The following PHIP variants were observed in gnomAD, a reference collection of about 807,000 sequenced individuals.
The protein encoded by PHIP is PH-interacting protein.
Under a neutral mutation model 236.8 loss-of-function variants are expected in PHIP, and 54 were observed. The observed-to-expected ratio is 0.23, with a 90% CI of 0.18 to 0.29. PHIP has a LOEUF of 0.29. Ranked by LOEUF, PHIP falls within the 10% of genes least tolerant of loss-of-function variation. The probability of loss-of-function intolerance (pLI) is 1.00; values close to 1 mark genes in which losing one functional copy is unlikely to be tolerated. For synonymous variants in PHIP, 756 were observed against 718.9 expected (o/e 1.05, Z -0.83); for missense variants, 1,370 against 2,190.8 (o/e 0.63, Z 7.48).
intron 4 of PHIP, among the ~76,000 whole-genome samples, chr6:79,070,050 T>G (rs10455120): frequency 0.23 from 35,500 of 151,920 alleles, 5,086 homozygotes; most frequent in Non-Finnish European, 0.33. Context: ...AATTACATCT[T>G]GCTAAAAAAA....
At chr6:78,946,934 A>T in intron 36 of PHIP, 60 bp from the exon 37 acceptor site, 2 of 939,944 alleles carry the variant, frequency 2.1e-6, no homozygotes, top group Non-Finnish European at 3.2e-6. Flanking sequence ...TTTGTTCAGT[A>T]AATACTGTAA....
chr6:78,987,272 GATAA>G (rs966939883), intron 21 of PHIP, among the ~76,000 whole-genome samples: 53 of 152,100 alleles, frequency 3.5e-4, no homozygotes, highest in African/African-American at 1.2e-3. Context: ...CATTTTATAA[GATAA>G]ATAATTAGCC....
chr6:79,009,863 GAT>G (rs377243060), intron 15 of PHIP, among the ~76,000 whole-genome samples: 3 of 149,828 alleles, frequency 2.0e-5, no homozygotes, highest in African/African-American at 4.9e-5. Flanking sequence ...TTTGTACCAA[GAT>G]ATATATATAT....
At chr6:79,058,264 A>G (rs528727777) in intron 6 of PHIP, among the ~76,000 whole-genome samples, 2 of 152,170 alleles carry the variant, frequency 1.3e-5, no homozygotes, top group Admixed American at 1.3e-4. Context: ...TATTTTTGCC[A>G]TACGTATATA....
chr6:79,074,707 C>T (rs890373934), intron 4 of PHIP, among the ~76,000 whole-genome samples: 9 of 152,020 alleles, frequency 5.9e-5, no homozygotes, highest in Non-Finnish European at 1.0e-4. Context: ...AAGATACGAC[C>T]ATTTCCTTTC....
intron 30 of PHIP, 39 bp from the exon 31 acceptor site, chr6:78,961,849 T>G: frequency 6.7e-7 from 1 of 1,486,400 alleles, no homozygotes; most frequent in Non-Finnish European, 9.2e-7. Context: ...TATTTTTGTA[T>G]GCCTAAAATA....
intron 15 of PHIP, among the ~76,000 whole-genome samples, chr6:79,010,565 CTT>C (rs1480044850): frequency 2.0e-5 from 3 of 151,804 alleles, no homozygotes; most frequent in Non-Finnish European, 2.9e-5. Context: ...ATACTATACT[CTT>C]TGATTAAAAT....
chr6:79,036,941 A>G (rs1006595996), intron 7 of PHIP, among the ~76,000 whole-genome samples: 5 of 151,072 alleles, frequency 3.3e-5, no homozygotes, highest in Non-Finnish European at 7.4e-5. Context: ...AAAAAAAAAA[A>G]AAAAAGCAAG....
At chr6:79,029,120 C>T (rs1161915630) in intron 7 of PHIP, among the ~76,000 whole-genome samples, 1 of 152,152 alleles carries the variant, frequency 6.6e-6, no homozygotes, top group Non-Finnish European at 1.5e-5. Flanking sequence ...CCTCTGAGTG[C>T]ATATTATCTC....
At chr6:78,961,081 G>T (rs2127697446) in intron 31 of PHIP, among the ~76,000 whole-genome samples, 1 of 151,952 alleles carries the variant, frequency 6.6e-6, no homozygotes, top group South Asian at 2.1e-4. Flanking sequence ...AACATTTTAG[G>T]TAATAATAAA....
intron 7 of PHIP, among the ~76,000 whole-genome samples, chr6:79,030,044 T>C (rs1771593851): frequency 6.6e-6 from 1 of 152,100 alleles, no homozygotes; most frequent in African/African-American, 2.4e-5. Context: ...TTAAAAATAA[T>C]GTTACGTAAA....
At position 78,970,840 on chromosome 6, in the gene PHIP, T is replaced by G; in HGVS notation, c.2938A>C (p.Lys980Gln). ...GGATTGATACTATATATTTTATTTTTCCGGGCCATTTCGACATAGGCTTCA... is the reference window on the plus strand; with the variant it reads ...GGATTGATACTATATATTTTATTTTGCCGGGCCATTTCGACATAGGCTTCA... ...GHEAYVEMAR[K>Q]NKIYSINPKK... The change falls in exon 25 of 40, where the codon AAA (lysine) becomes CAA (glutamine). Residue 980 changes from lysine (K) to glutamine (Q), a missense_variant. Lys to Gln is a moderately conservative substitution (Grantham distance 53). Around this residue, in one of 14 missense-constraint regions of PHIP, gnomAD observed 238 missense variants for 398.5 expected, o/e 0.60. Transcript: ENST00000275034. 6.2e-7 allele frequency: 1 copy of G among 1,612,244 alleles called. No individual in the cohort carries two copies. Among genetic ancestry groups the G allele is most frequent in the African/African-American group, 1.3e-5 (1 of 74,954 alleles).
intron 15 of PHIP, among the ~76,000 whole-genome samples, chr6:79,008,849 T>C (rs1041821609): frequency 1.3e-5 from 2 of 152,152 alleles, no homozygotes; most frequent in African/African-American, 4.8e-5. Context: ...TTCTCCCTTA[T>C]GTCTTTCATA....
chr6:78,995,889 G>A (rs1769577772), intron 19 of PHIP, among the ~76,000 whole-genome samples: 1 of 152,152 alleles, frequency 6.6e-6, no homozygotes, highest in Non-Finnish European at 1.5e-5. Flanking sequence ...ATTCCCATAG[G>A]ATGAGTACAA....
intron 7 of PHIP, among the ~76,000 whole-genome samples, chr6:79,028,034 A>G (rs1472538063): frequency 6.6e-6 from 1 of 152,126 alleles, no homozygotes; most frequent in Non-Finnish European, 1.5e-5. Context: ...TTTTAATAAT[A>G]TCATTATTAT....
At chr6:79,059,591 TTATATA>T (rs72226338) in intron 6 of PHIP, among the ~76,000 whole-genome samples, 1,033 of 84,748 alleles carry the variant, frequency 0.012, 22 homozygotes, top group Middle Eastern at 0.057. Context: ...GAAAGCAAAA[TTATATA>T]TATATATATA....
intron 27 of PHIP, among the ~76,000 whole-genome samples, chr6:78,967,124 AT>A (rs1467971109): frequency 2.0e-5 from 3 of 152,214 alleles, no homozygotes; most frequent in Non-Finnish European, 4.4e-5. Flanking sequence ...ACCAAAAAGG[AT>A]TTAAAAGTTT....
At chr6:79,038,411 A>C (rs183438912) in intron 7 of PHIP, among the ~76,000 whole-genome samples, 87 of 152,300 alleles carry the variant, frequency 5.7e-4, no homozygotes, top group Non-Finnish European at 9.7e-4. Context: ...TAAAGCCCTC[A>C]CCTCTTAATG....
intron 6 of PHIP, among the ~76,000 whole-genome samples, chr6:79,051,369 C>CT (rs1772785968): frequency 6.6e-6 from 1 of 152,046 alleles, no homozygotes; most frequent in South Asian, 2.1e-4. Context: ...CTTGTAGTCA[C>CT]CTTTTTGTCT....
Sources: gnomAD v4.1 joint callset for allele counts (sites outside exome capture counted in the v4.1 genomes callset) on GRCh38, gnomAD v4.1.1 for gene constraint, gnomAD v4.1.1 regional missense constraint, MANE v1.5 for transcripts, NCBI Gene and HGNC (gene_info 2026-07-23, HGNC 2026-07-21) for gene names.